The following SNX29 variants were observed in gnomAD, a reference collection of about 807,000 sequenced individuals.
SNX29 encodes sorting nexin 29.
SNX29 carries 78 observed loss-of-function variants against 102.1 expected under a neutral mutation model. That is an observed-to-expected ratio of 0.76 (90% CI 0.64 to 0.92). The LOEUF (loss-of-function observed/expected upper bound fraction) is 0.92, where lower values mean the gene tolerates loss of function less well. SNX29 is among the 40% of genes least tolerant of loss of function. SNX29 has a pLI of 0.00. For missense variants in SNX29, 1,280 were observed against 1,061.7 expected (o/e 1.21, Z -2.86); for synonymous variants, 580 against 414.5 (o/e 1.40, Z -4.85).
intron 13 of SNX29, among the ~76,000 whole-genome samples, chr16:12,156,316 G>T (rs947979175): frequency 6.6e-6 from 1 of 152,200 alleles, no homozygotes; most frequent in African/African-American, 2.4e-5. Flanking sequence ...TGGGACTACA[G>T]GCACCCACCA....
At chr16:12,170,320 C>T (rs1336416330) in intron 13 of SNX29, among the ~76,000 whole-genome samples, 1 of 151,774 alleles carries the variant, frequency 6.6e-6, no homozygotes, top group East Asian at 1.9e-4. Flanking sequence ...TCTCAGTGAA[C>T]GTGTGTATGT....
chr16:12,094,224 C>G (rs1289011851), intron 11 of SNX29, among the ~76,000 whole-genome samples: 1 of 152,060 alleles, frequency 6.6e-6, no homozygotes, highest in East Asian at 1.9e-4. Flanking sequence ...TAAATTACCA[C>G]CTGAGCTATC....
At chr16:12,551,667 G>A (rs1351608293) in intron 20 of SNX29, among the ~76,000 whole-genome samples, 2 of 152,174 alleles carry the variant, frequency 1.3e-5, no homozygotes, top group African/African-American at 2.4e-5. Context: ...TTCCGTTCCT[G>A]TGCAGTAGGA....
At position 12,477,877 on chromosome 16, in the gene SNX29, G is replaced by A. The variant is rs751648163; in HGVS notation, c.2178+18G>A. ...GAAACAAGGTACCATCCCGTGCTGG[G>A]AAGCCCACTTGTCACTGCCTGCGTT... On this transcript the variant is annotated intron_variant, in intron 19 of 20. Transcript: ENST00000566228. 1 of 1,567,224 alleles carries A rather than the reference G, an allele frequency of 6.4e-7. No homozygotes were observed. Among genetic ancestry groups the A allele is most frequent in the Non-Finnish European group, 8.6e-7 (1 of 1,161,252 alleles).
At chr16:12,298,376 A>G (rs2151088532) in intron 15 of SNX29, among the ~76,000 whole-genome samples, 1 of 152,344 alleles carries the variant, frequency 6.6e-6, no homozygotes, top group Middle Eastern at 3.4e-3. Flanking sequence ...GCTGATGTTT[A>G]TCACCTTCTT....
At chr16:12,524,190 T>TA (rs2090207684) in intron 19 of SNX29, among the ~76,000 whole-genome samples, 1 of 152,180 alleles carries the variant, frequency 6.6e-6, no homozygotes, top group Non-Finnish European at 1.5e-5. Flanking sequence ...AAATTGTTTA[T>TA]TAATAAAACC....
At chr16:12,253,243 C>T (rs1452766577) in intron 14 of SNX29, among the ~76,000 whole-genome samples, 3 of 152,110 alleles carry the variant, frequency 2.0e-5, no homozygotes, top group African/African-American at 7.2e-5. Context: ...ATCTTTCATT[C>T]ATTCATAGCA....
intron 11 of SNX29, among the ~76,000 whole-genome samples, chr16:12,117,513 A>G (rs983949409): frequency 6.6e-6 from 1 of 152,216 alleles, no homozygotes; most frequent in Non-Finnish European, 1.5e-5. Context: ...AAAAGACTCT[A>G]TTAAAAAAGA....
chr16:12,353,941 T>G (rs575096054), intron 15 of SNX29, among the ~76,000 whole-genome samples: 1 of 152,316 alleles, frequency 6.6e-6, no homozygotes, highest in South Asian at 2.1e-4. Flanking sequence ...TCTGTCCTAT[T>G]TTCTGTGGGT....
intron 10 of SNX29, among the ~76,000 whole-genome samples, chr16:12,078,480 A>G (rs775381403): frequency 6.6e-6 from 1 of 152,174 alleles, no homozygotes; most frequent in African/African-American, 2.4e-5. Flanking sequence ...ATGGCAGTAA[A>G]TAGACAGCAA....
chr16:12,513,389 C>T (rs540854726), intron 19 of SNX29, among the ~76,000 whole-genome samples: 2 of 151,740 alleles, frequency 1.3e-5, no homozygotes, highest in Non-Finnish European at 1.5e-5. Flanking sequence ...CCCTGCTCTC[C>T]CTTCCCCTCC....
intron 15 of SNX29, among the ~76,000 whole-genome samples, chr16:12,327,400 G>T (rs2081150996): frequency 6.6e-6 from 1 of 152,020 alleles, no homozygotes; most frequent in Non-Finnish European, 1.5e-5. Context: ...CTCACCTTCC[G>T]GAGGCTGGAA....
intron 14 of SNX29, among the ~76,000 whole-genome samples, chr16:12,276,985 G>A (rs78270416): frequency 2.6e-3 from 390 of 152,270 alleles, no homozygotes; most frequent in African/African-American, 9.2e-3. Context: ...ACCAATCCTT[G>A]GTTTTACACA....
chr16:12,025,302 C>CAAAAAAAAAAAAAA (rs35724715), intron 3 of SNX29, among the ~76,000 whole-genome samples: 1 of 60,596 alleles, frequency 1.7e-5, no homozygotes, highest in African/African-American at 7.1e-5. Flanking sequence ...AACTCCATCT[C>CAAAAAAAAAAAAAA]AAAAAAAAAA....
At chr16:12,300,961 T>G (rs375006682) in intron 15 of SNX29, among the ~76,000 whole-genome samples, 1 of 152,174 alleles carries the variant, frequency 6.6e-6, no homozygotes, top group African/African-American at 2.4e-5. Context: ...GACCACTGGT[T>G]TAAAGGCATC....
chr16:12,366,834 CCT>C (rs1473833197), intron 16 of SNX29: 3 of 151,162 alleles, frequency 2.0e-5, no homozygotes, highest in Admixed American at 2.0e-4. Flanking sequence ...TTTGTCTCTG[CCT>C]CTGTCTCTCT....
chr16:12,375,308 C>CA (rs765674707), intron 16 of SNX29: 2 of 152,194 alleles, frequency 1.3e-5, no homozygotes, highest in Non-Finnish European at 2.9e-5. Flanking sequence ...TTAGAAATAG[C>CA]TAAAAGGTAC....
At chr16:12,192,932 C>T (rs1392167327) in intron 13 of SNX29, among the ~76,000 whole-genome samples, 5 of 152,082 alleles carry the variant, frequency 3.3e-5, no homozygotes, top group Non-Finnish European at 7.4e-5. Context: ...GAACTCCTGA[C>T]CTCAGGTGAT....
At chr16:12,382,972 C>T (rs918062458) in intron 16 of SNX29, among the ~76,000 whole-genome samples, 1 of 152,180 alleles carries the variant, frequency 6.6e-6, no homozygotes, top group Non-Finnish European at 1.5e-5. Flanking sequence ...CCTTTTTCCA[C>T]ATTTACAAGT....
Sources: allele counts gnomAD v4.1 joint callset (sites outside exome capture counted in the v4.1 genomes callset), GRCh38; gene constraint gnomAD v4.1.1; transcripts MANE v1.5; gene names NCBI Gene and HGNC (gene_info 2026-07-23, HGNC 2026-07-21).